The following IGF2R variants were observed in gnomAD, a reference collection of about 807,000 sequenced individuals.
The protein encoded by IGF2R is cation-independent mannose-6-phosphate receptor.
Under a neutral mutation model 270.6 loss-of-function variants are expected in IGF2R, and 91 were observed. The ratio of observed to expected loss-of-function variants is 0.34; its 90% confidence interval spans 0.28 to 0.40. The LOEUF (loss-of-function observed/expected upper bound fraction) is 0.40, where lower values mean the gene tolerates loss of function less well. Ranked by LOEUF, IGF2R falls within the 10% of genes least tolerant of loss-of-function variation. IGF2R has a pLI of 1.00. For synonymous variants in IGF2R, 1,316 were observed against 1,258.9 expected, an observed-to-expected ratio of 1.05 and a Z score of -0.96; for missense variants, 2,805 against 3,188.3, an observed-to-expected ratio of 0.88 and a Z score of 2.90.
At chr6:160,045,905 T>C in intron 14 of IGF2R, 23 bp downstream of exon 14, 5 of 1,504,488 alleles carry the variant, frequency 3.3e-6, no homozygotes, top group Non-Finnish European at 4.4e-6. Flanking sequence ...GCAGGACCTC[T>C]GCTTTAATGT....
At position 160,009,041 on chromosome 6, in the gene IGF2R, T is replaced by C; in HGVS notation, c.321T>C (p.Ser107=). Residue 107 remains serine, a synonymous_variant, in exon 3 of 48, where the codon TCT becomes TCC. Transcript: ENST00000356956. ...CTGTTTTGAGAAGTGCAACCAGATC[T>C]CTCCTGGAATTCAACACAACAGTGA... is the stretch of plus-strand genomic sequence containing the variant. ...GDSVLRSATR[S]LLEFNTTVSC... is the part of the protein sequence containing the mutation. 6.2e-7 allele frequency: 1 copy of C among 1,613,936 alleles called. No homozygotes were observed. Among genetic ancestry groups the C allele is most frequent in the Non-Finnish European group, 8.5e-7 (1 of 1,179,836 alleles).
intron 1 of IGF2R, among the ~76,000 whole-genome samples, chr6:159,980,523 G>C (rs1358125625): frequency 2.0e-5 from 3 of 152,196 alleles, no homozygotes; most frequent in South Asian, 2.1e-4. Context: ...CTGGGTGTTA[G>C]GCTTTGCGGA....
chr6:160,086,692 A>G (rs1196192503), intron 41 of IGF2R, among the ~76,000 whole-genome samples: 1 of 152,226 alleles, frequency 6.6e-6, no homozygotes, highest in African/African-American at 2.4e-5. Flanking sequence ...CAGAAGCCCA[A>G]TATTTAAAAC....
intron 3 of IGF2R, 151 bp from the exon 4 acceptor site, chr6:160,010,536 G>A: frequency 1.8e-6 from 1 of 551,538 alleles, no homozygotes; most frequent in Non-Finnish European, 3.3e-6. Flanking sequence ...GGAACCTCTT[G>A]ATGACCCCGT....
At chr6:160,099,739 A>G (rs1779442351) in intron 45 of IGF2R, among the ~76,000 whole-genome samples, 2 of 152,158 alleles carry the variant, frequency 1.3e-5, no homozygotes, top group African/African-American at 4.8e-5. Flanking sequence ...CGCTTCACGG[A>G]AGGTTGCAGT....
At chr6:160,083,795 C>G (rs1339029792) in intron 39 of IGF2R, among the ~76,000 whole-genome samples, 155 bp from the exon 40 acceptor site, 1 of 152,172 alleles carries the variant, frequency 6.6e-6, no homozygotes, top group African/African-American at 2.4e-5. Flanking sequence ...GTGGCTGGGG[C>G]AGAGTGGCTG....
intron 4 of IGF2R, among the ~76,000 whole-genome samples, chr6:160,014,008 A>T (rs910357600): frequency 6.6e-6 from 1 of 152,178 alleles, no homozygotes; most frequent in Non-Finnish European, 1.5e-5. Context: ...CATCTTACTA[A>T]TGTCTCATTT....
At chr6:160,019,851 C>T (rs9365124) in intron 4 of IGF2R, among the ~76,000 whole-genome samples, 18,501 of 152,176 alleles carry the variant, frequency 0.12, 1,356 homozygotes, top group South Asian at 0.24. Context: ...CAGCCAGCAT[C>T]GTACTGAACA....
chr6:159,990,685 A>T (rs1023657983), intron 1 of IGF2R, among the ~76,000 whole-genome samples: 1 of 151,822 alleles, frequency 6.6e-6, no homozygotes, highest in Non-Finnish European at 1.5e-5. Flanking sequence ...GCTGGAGTGC[A>T]GTGGCACGAT....
rs373130813 is a variant in IGF2R, at chr6:159,993,327, G to T, written c.289+2004G>T. Reference sequence around the variant, plus strand: ...TTTGTCTAGGCCAATGTCCAGGAGAGTGTTTCCTGGGTTTTGTTCTAGAAT... The same window carrying T: ...TTTGTCTAGGCCAATGTCCAGGAGATTGTTTCCTGGGTTTTGTTCTAGAAT... On this transcript the variant is annotated intron_variant, in intron 2 of 47. Transcript: ENST00000356956. Among the ~76,000 whole-genome samples the T allele has an allele frequency of 2.0e-5, 3 of 152,308 alleles. No homozygotes were observed. The East Asian group carries it at 5.8e-4, about 29-fold the overall frequency.
In IGF2R at chr6:159,972,113, A is replaced by AT. The variant is rs908718904; in HGVS notation, c.149+2728dup. 1.1e-3 allele frequency among the ~76,000 whole-genome samples: 163 copies of AT among 150,676 alleles called. 1 individual carries two copies. The highest frequency in any genetic ancestry group is 3.4e-3 in the Middle Eastern group (1 of 292). ...AGTTGAGGAATAGGAATGTAAGTTG[A>AT]TTTTTTTTTTAATTTGATACAAAAA... On this transcript the variant is annotated intron_variant, in intron 1 of 47. Coordinates refer to ENST00000356956, the MANE Select transcript of IGF2R (RefSeq NM_000876.4).
chr6:160,051,172 C>T (rs964282598), intron 19 of IGF2R, among the ~76,000 whole-genome samples: 5 of 152,084 alleles, frequency 3.3e-5, no homozygotes, highest in Admixed American at 2.0e-4. Context: ...GGTTATGTAC[C>T]CTATTTCACA....
intron 2 of IGF2R, chr6:160,005,045 GCTT>G (rs1408245231): frequency 1.3e-5 from 2 of 152,322 alleles, no homozygotes; most frequent in Non-Finnish European, 2.9e-5. Flanking sequence ...TGTGGTGTGC[GCTT>G]CTTATTTCAG....
intron 44 of IGF2R, 127 bp downstream of exon 44, chr6:160,090,230 T>G: frequency 1.7e-6 from 1 of 589,412 alleles, no homozygotes; most frequent in African/African-American, 1.9e-5. Flanking sequence ...GGTCTAATTC[T>G]TTACTTTGTT....
At position 160,016,039 on chromosome 6, in the gene IGF2R, C is replaced by T. The variant is rs564576217; in HGVS notation, c.513+5254C>T. 4.6e-5 allele frequency among the ~76,000 whole-genome samples: 7 copies of T among 152,322 alleles called. No individual in the cohort carries two copies. In the South Asian group the frequency reaches 1.5e-3, roughly 32 times the overall value. On this transcript the variant is annotated intron_variant, in intron 4 of 47. Transcript: ENST00000356956. ...ACTGTGAGCCAGTTAAACTTCTTTT[C>T]TTTATAAATTACCCAGTCTCAGGTA...
At chr6:160,044,748 G>A (rs1177696485) in intron 13 of IGF2R, 91 bp downstream of exon 13, 8 of 1,008,224 alleles carry the variant, frequency 7.9e-6, no homozygotes, top group African/African-American at 6.6e-5. Context: ...TCACTGCAAA[G>A]CTGATCAGAC....
chr6:160,079,776 G>A lies in IGF2R; in HGVS notation c.5675G>A (p.Arg1892His), dbSNP rs149633151. The change falls in exon 38 of 48, where the codon CGT (arginine) becomes CAT (histidine). Residue 1892 changes from arginine (R) to histidine (H), a missense_variant. Transcript: ENST00000356956. ...AVVLSYVNGD[R>H]CPPETDDGVP... ...GTTTTAAGTTACGTGAATGGTGATC[G>A]TTGCCCTCCAGGTAAATATTTGCAA... is the stretch of plus-strand genomic sequence containing the variant. 11 of 1,448,538 alleles carry A rather than the reference G, an allele frequency of 7.6e-6. 1 individual carries two copies. Among genetic ancestry groups the A allele is most frequent in the Middle Eastern group, 1.8e-4 (1 of 5,408 alleles). 89.7% of individuals were successfully genotyped at this position (1,448,538 alleles called of 1,614,324 possible).
At chr6:160,072,132 T>C in intron 32 of IGF2R, 96 bp downstream of exon 32, 1 of 1,525,264 alleles carries the variant, frequency 6.6e-7, no homozygotes, top group Non-Finnish European at 9.0e-7. Flanking sequence ...AGAGAAGCTA[T>C]GGGCAGCAGG....
intron 4 of IGF2R, among the ~76,000 whole-genome samples, chr6:160,020,398 C>A (rs1777406185): frequency 6.6e-6 from 1 of 152,162 alleles, no homozygotes; most frequent in Non-Finnish European, 1.5e-5. Context: ...AGATTCAATG[C>A]AATTCCTATC....
Sources: gnomAD v4.1 joint callset for allele counts (sites outside exome capture counted in the v4.1 genomes callset) on GRCh38, gnomAD v4.1.1 for gene constraint, MANE v1.5 for transcripts, NCBI Gene and HGNC (gene_info 2026-07-23, HGNC 2026-07-21) for gene names.